The following SKA2 variants were observed in gnomAD, a reference collection of about 807,000 sequenced individuals.
SKA2 encodes spindle and kinetochore-associated protein 2.
SKA2 carries 13 observed loss-of-function variants against 16.9 expected under a neutral mutation model. The observed-to-expected ratio is 0.77, with a 90% CI of 0.50 to 1.22. The LOEUF is 1.22. Among genes scored for constraint, SKA2 ranks in the 50% most tolerant of loss-of-function variants. The probability of loss-of-function intolerance (pLI) is 0.00; values close to 1 mark genes in which losing one functional copy is unlikely to be tolerated. For synonymous variants in SKA2, 47 were observed against 48.5 expected (o/e 0.97, Z 0.13); for missense variants, 107 against 139.7 (o/e 0.77, Z 1.18).
At chr17:59,146,794 A>T (rs1009050892) in intron 1 of SKA2, among the ~76,000 whole-genome samples, 1 of 152,042 alleles carries the variant, frequency 6.6e-6, no homozygotes, top group Non-Finnish European at 1.5e-5. Context: ...CCTCCTACGT[A>T]GCTGGGACTA....
At chr17:59,144,850 G>T (rs1232030999) in intron 1 of SKA2, among the ~76,000 whole-genome samples, 3 of 152,088 alleles carry the variant, frequency 2.0e-5, no homozygotes, top group Non-Finnish European at 4.4e-5. Context: ...TGTCGCCCAG[G>T]TTCCCAGGTT....
At chr17:59,133,716 T>G (rs1207897158) in intron 1 of SKA2, among the ~76,000 whole-genome samples, 2 of 152,166 alleles carry the variant, frequency 1.3e-5, no homozygotes, top group Admixed American at 1.3e-4. Context: ...AAACAGAATT[T>G]CAGAAATAAA....
chr17:59,115,074 A>G, intron 3 of SKA2, among the ~76,000 whole-genome samples: 1 of 90,588 alleles, frequency 1.1e-5, no homozygotes. Context: ...TTTTTTTTTA[A>G]TTTTGAAATG....
intron 2 of SKA2, among the ~76,000 whole-genome samples, chr17:59,123,715 A>G (rs2046352952): frequency 3.3e-5 from 5 of 152,176 alleles, no homozygotes; most frequent in Admixed American, 3.3e-4. Context: ...CATCAGGCCT[A>G]TAGTAGGAAA....
intron 1 of SKA2, among the ~76,000 whole-genome samples, chr17:59,148,449 G>A (rs1046729684): frequency 1.3e-5 from 2 of 151,946 alleles, no homozygotes; most frequent in African/African-American, 4.8e-5. Context: ...GAGATAGGAT[G>A]TCACTGTCAA....
intron 2 of SKA2, among the ~76,000 whole-genome samples, chr17:59,123,076 GA>G (rs1407887562): frequency 4.0e-5 from 6 of 149,198 alleles, no homozygotes; most frequent in Admixed American, 1.3e-4. Context: ...CAAATGGAAG[GA>G]AAAAAAAGAA....
At chr17:59,146,391 C>T (rs994928932) in intron 1 of SKA2, among the ~76,000 whole-genome samples, 4 of 152,028 alleles carry the variant, frequency 2.6e-5, no homozygotes, top group South Asian at 4.2e-4. Context: ...CCCAGCTACT[C>T]GGGAGGGTGA....
intron 1 of SKA2, among the ~76,000 whole-genome samples, chr17:59,144,418 C>T (rs1054904740): frequency 6.6e-6 from 1 of 152,038 alleles, no homozygotes; most frequent in Non-Finnish European, 1.5e-5. Flanking sequence ...GGGTATACAC[C>T]TAAAACAACT....
chr17:59,136,794 T>C (rs375664320), intron 1 of SKA2, among the ~76,000 whole-genome samples: 11 of 151,892 alleles, frequency 7.2e-5, no homozygotes, highest in African/African-American at 2.7e-4. Context: ...TGATCCGCCC[T>C]CCTCGGCCTC....
intron 1 of SKA2, chr17:59,137,740 G>C (rs1298446319): frequency 1.9e-6 from 1 of 522,768 alleles, no homozygotes; most frequent in Admixed American, 2.0e-5. Context: ...GCTTGTTTCT[G>C]CTACATACTT....
chr17:59,147,802 A>G (rs1367460704), intron 1 of SKA2, among the ~76,000 whole-genome samples: 2 of 151,222 alleles, frequency 1.3e-5, no homozygotes, highest in Admixed American at 6.6e-5. Context: ...AAATCACACT[A>G]AACAGACTAT....
chr17:59,144,452 T>G (rs1297914537), intron 1 of SKA2, among the ~76,000 whole-genome samples: 1 of 152,150 alleles, frequency 6.6e-6, no homozygotes, highest in African/African-American at 2.4e-5. Flanking sequence ...TAAAGAGATA[T>G]GTGTATACCC....
intron 1 of SKA2, among the ~76,000 whole-genome samples, chr17:59,146,250 C>A (rs563535560): frequency 6.6e-6 from 1 of 152,140 alleles, no homozygotes; most frequent in South Asian, 2.1e-4. Context: ...GTAATCCCAG[C>A]ACTTTTGAGA....
At position 59,153,332 on chromosome 17, in the gene SKA2, T is replaced by A. The variant is rs968387451; in HGVS notation, c.33+1799A>T. 1.4e-4 allele frequency among the ~76,000 whole-genome samples: 22 copies of A among 152,332 alleles called. No homozygotes were observed. The South Asian group carries it at 3.3e-3, about 23-fold the overall frequency. ...ACAATGCTTAACATTTTGTTTTTTT[T>A]AAATGATAATAAAACTTAAAACTAA... On this transcript the variant is annotated intron_variant, in intron 1 of 3. Transcript: ENST00000330137.
chr17:59,121,596 T>G (rs1401196129), intron 2 of SKA2, among the ~76,000 whole-genome samples: 1 of 148,904 alleles, frequency 6.7e-6, no homozygotes, highest in Non-Finnish European at 1.5e-5. Context: ...GAGGTGGCAG[T>G]GAGCCAAGAT....
In SKA2 at chr17:59,116,502, T is replaced by C. The variant is rs147611758; in HGVS notation, c.297+2817A>G. On this transcript the variant is annotated intron_variant, in intron 3 of 3. Transcript: ENST00000330137. The stretch of plus-strand genomic sequence containing the variant: ...ATGAAATTAGTATGTATTCCCTTTC[T>C]CCTACCTCCTTTTCTGTTCTGTATT... 2.4e-3 allele frequency among the ~76,000 whole-genome samples: 368 copies of C among 152,290 alleles called. 3 individuals carry two copies. The highest frequency in any genetic ancestry group is 2.3e-3 in the Non-Finnish European group (157 of 68,022).
chr17:59,142,399 T>A (rs2147815775), intron 1 of SKA2, among the ~76,000 whole-genome samples: 1 of 150,752 alleles, frequency 6.6e-6, no homozygotes, highest in South Asian at 2.1e-4. Flanking sequence ...CAAGCGATTC[T>A]CCTGCCTCAG....
rs958725188 is a variant in SKA2, at chr17:59,150,997, T to A, written c.33+4134A>T. The stretch of plus-strand genomic sequence containing the variant: ...TATTGTTTTTAATTAGTTAAAAGGT[T>A]TTTTTTTTTCAAATTATGACTTTCT... On this transcript the variant is annotated intron_variant, in intron 1 of 3. Coordinates refer to ENST00000330137, the MANE Select transcript of SKA2 (RefSeq NM_182620.4). 8.7e-6 allele frequency: 3 copies of A among 346,196 alleles called. No individual in the cohort carries two copies. In the Admixed American group the frequency reaches 1.4e-4, roughly 16 times the overall value. The allele number at this position is 346,196 out of a possible 1,614,324, so 21.4% of individuals were successfully genotyped here.
intron 3 of SKA2, among the ~76,000 whole-genome samples, chr17:59,116,176 G>C (rs1436861815): frequency 6.6e-6 from 1 of 152,040 alleles, no homozygotes; most frequent in Admixed American, 6.6e-5. Flanking sequence ...TTCGAGACCA[G>C]CCTGGCCAAC....
Sources: gnomAD v4.1 joint callset for allele counts (sites outside exome capture counted in the v4.1 genomes callset) on GRCh38, gnomAD v4.1.1 for gene constraint, MANE v1.5 for transcripts, NCBI Gene and HGNC (gene_info 2026-07-23, HGNC 2026-07-21) for gene names.